The following NUBPL variants were observed in gnomAD, a reference collection of about 807,000 sequenced individuals.
NUBPL encodes the protein iron-sulfur cluster transfer protein NUBPL.
In NUBPL, 31 loss-of-function variants were observed where a neutral mutation model predicts 45.7. The observed-to-expected ratio is 0.68, with a 90% CI of 0.51 to 0.92. The LOEUF (loss-of-function observed/expected upper bound fraction) is 0.92. NUBPL is among the 40% of genes least tolerant of loss of function. NUBPL has a pLI of 0.00. For synonymous variants in NUBPL, 144 were observed against 140.9 expected (o/e 1.02, Z -0.15); for missense variants, 401 against 398.7 (o/e 1.01, Z -0.05).
At chr14:31,717,845 C>T (rs931975158) in intron 6 of NUBPL, among the ~76,000 whole-genome samples, 1 of 152,050 alleles carries the variant, frequency 6.6e-6, no homozygotes, top group African/African-American at 2.4e-5. Flanking sequence ...TCTGACATCT[C>T]TTCTCTTGGC....
At chr14:31,824,814 T>G (rs1249863760) in intron 7 of NUBPL, among the ~76,000 whole-genome samples, 1 of 152,144 alleles carries the variant, frequency 6.6e-6, no homozygotes, top group Admixed American at 6.5e-5. Context: ...GATACCAATT[T>G]AACAGTTTGG....
chr14:31,849,302 G>C (rs138167812), intron 9 of NUBPL, among the ~76,000 whole-genome samples: 1 of 152,258 alleles, frequency 6.6e-6, no homozygotes, highest in East Asian at 1.9e-4. Context: ...TTCTGAGAAC[G>C]CTAAGTACCA....
chr14:31,641,617 TTGTGAATGA>T (rs1220582460), intron 4 of NUBPL, among the ~76,000 whole-genome samples: 9 of 152,348 alleles, frequency 5.9e-5, no homozygotes, highest in African/African-American at 2.2e-4. Flanking sequence ...ATTTTAGGTC[TTGTGAATGA>T]TGCCCTGATA....
intron 6 of NUBPL, among the ~76,000 whole-genome samples, chr14:31,715,072 T>G (rs1334836933): frequency 1.3e-5 from 2 of 152,220 alleles, no homozygotes; most frequent in Non-Finnish European, 2.9e-5. Flanking sequence ...AGCTCTACCA[T>G]GCTTTAGTCA....
At chr14:31,695,785 C>A (rs1462118057) in intron 6 of NUBPL, among the ~76,000 whole-genome samples, 1 of 152,164 alleles carries the variant, frequency 6.6e-6, no homozygotes, top group Non-Finnish European at 1.5e-5. Context: ...TATAAATTAC[C>A]CAGTCTGTGG....
intron 4 of NUBPL, among the ~76,000 whole-genome samples, chr14:31,639,844 G>A (rs188898434): frequency 2.5e-4 from 38 of 152,286 alleles, no homozygotes; most frequent in African/African-American, 9.1e-4. Context: ...AGACTGCTGT[G>A]CTAGCAATCA....
At chr14:31,757,803 A>G (rs2038703675) in intron 6 of NUBPL, among the ~76,000 whole-genome samples, 1 of 152,060 alleles carries the variant, frequency 6.6e-6, no homozygotes, top group Admixed American at 6.6e-5. Flanking sequence ...CATAACTCAA[A>G]CCCTTTTTTT....
chr14:31,813,174 A>T (rs2039846084), intron 7 of NUBPL, among the ~76,000 whole-genome samples: 1 of 151,908 alleles, frequency 6.6e-6, no homozygotes, highest in Non-Finnish European at 1.5e-5. Flanking sequence ...TTTTTAGCAG[A>T]GACGGGGTTT....
At chr14:31,840,486 A>G (rs2040352072) in intron 8 of NUBPL, among the ~76,000 whole-genome samples, 1 of 151,738 alleles carries the variant, frequency 6.6e-6, no homozygotes, top group Non-Finnish European at 1.5e-5. Context: ...AGGTAGGAGA[A>G]TGGTGTGAAC....
intron 6 of NUBPL, among the ~76,000 whole-genome samples, chr14:31,730,488 G>A (rs999834388): frequency 6.7e-6 from 1 of 148,692 alleles, no homozygotes; most frequent in Admixed American, 6.7e-5. Context: ...TTTTGAGATG[G>A]AGTCTTGCAC....
At chr14:31,856,127 TCC>T (rs2040614286) in intron 10 of NUBPL, among the ~76,000 whole-genome samples, 1 of 152,168 alleles carries the variant, frequency 6.6e-6, no homozygotes, top group Admixed American at 6.5e-5. Flanking sequence ...GACTTACAGT[TCC>T]ATGTGGCTAG....
intron 7 of NUBPL, among the ~76,000 whole-genome samples, chr14:31,801,351 G>A (rs960009781): frequency 6.6e-6 from 1 of 152,118 alleles, no homozygotes; most frequent in South Asian, 2.1e-4. Flanking sequence ...CAGAGTTTGA[G>A]GGGCACAGAG....
Position 31,793,503 on chromosome 14 carries a change from A to G in NUBPL, c.607+5630A>G, listed in dbSNP as rs141096450. Among the ~76,000 whole-genome samples the G allele has an allele frequency of 2.2e-3, 330 of 152,298 alleles. 3 individuals are homozygous for G. The highest frequency in any genetic ancestry group is 7.5e-3 in the African/African-American group (313 of 41,566). ...CATTCAAAACCTGCATACCTATGTT[A>G]TCTTCTCCAGCAGACTGTTAACTTC... On this transcript the variant is annotated intron_variant, in intron 7 of 10. Coordinates refer to ENST00000281081, the MANE Select transcript of NUBPL (RefSeq NM_025152.3).
chr14:31,834,401 G>A (rs187344293), intron 8 of NUBPL, among the ~76,000 whole-genome samples: 146 of 152,022 alleles, frequency 9.6e-4, no homozygotes, highest in African/African-American at 3.1e-3. Flanking sequence ...GGATGGTCTC[G>A]ATCTCCTGAC....
At chr14:31,617,745 A>T (rs992120097) in intron 4 of NUBPL, among the ~76,000 whole-genome samples, 2 of 151,242 alleles carry the variant, frequency 1.3e-5, no homozygotes, top group African/African-American at 2.4e-5. Flanking sequence ...TTCTTTTTTT[A>T]TTGTGTCTCT....
chr14:31,580,324 G>A (rs1020832505), intron 3 of NUBPL, among the ~76,000 whole-genome samples: 3 of 152,208 alleles, frequency 2.0e-5, no homozygotes, highest in African/African-American at 7.2e-5. Context: ...GTGTAAGGAT[G>A]TAGAAAGTGA....
intron 6 of NUBPL, among the ~76,000 whole-genome samples, chr14:31,696,501 A>T (rs891055674): frequency 6.6e-6 from 1 of 152,018 alleles, no homozygotes; most frequent in Non-Finnish European, 1.5e-5. Flanking sequence ...TCAATATGGT[A>T]TTAACTTCCT....
chr14:31,705,203 A>C (rs557090621), intron 6 of NUBPL, among the ~76,000 whole-genome samples: 2 of 145,852 alleles, frequency 1.4e-5, no homozygotes, highest in South Asian at 4.5e-4. Context: ...TGGTGGGTTC[A>C]TGGTCTCACT....
At chr14:31,696,686 CA>C (rs1473882044) in intron 6 of NUBPL, among the ~76,000 whole-genome samples, 1 of 152,124 alleles carries the variant, frequency 6.6e-6, no homozygotes, top group Non-Finnish European at 1.5e-5. Context: ...GTCATTGATT[CA>C]AATGCTCCCT....
Sources: gnomAD v4.1 joint callset for allele counts (sites outside exome capture counted in the v4.1 genomes callset) on GRCh38, gnomAD v4.1.1 for gene constraint, MANE v1.5 for transcripts, NCBI Gene and HGNC (gene_info 2026-07-23, HGNC 2026-07-21) for gene names.